The following TXNDC12 variants were observed in gnomAD, a reference collection of about 807,000 sequenced individuals.
TXNDC12 encodes the protein thioredoxin domain containing 12.
Under a neutral mutation model 24.2 loss-of-function variants are expected in TXNDC12, and 22 were observed. The ratio of observed to expected loss-of-function variants is 0.91; its 90% CI spans 0.65 to 1.30. The LOEUF (loss-of-function observed/expected upper bound fraction) is 1.30. Ranked by LOEUF, TXNDC12 falls within the 50% of genes most tolerant of loss-of-function variation. The pLI is 0.00. For synonymous variants in TXNDC12, 58 were observed against 73.4 expected (o/e 0.79, Z 1.07); for missense variants, 184 against 205.8 (o/e 0.89, Z 0.65).
rs79478658 is a variant in TXNDC12, at chr1:52,055,069, T to C, written c.28A>G (p.Thr10Ala). ...AGGAAACTGAAGCCCAGCAAACAGG[T>C]GGCCCCGAGACGAGGCCGCGTCTCC... is the stretch of plus-strand genomic sequence containing the variant. METRPRLGATCLLGFSFLLL... is the reference protein window; with the variant it reads METRPRLGAACLLGFSFLLL... The change falls in exon 1 of 7, where the codon ACC (threonine) becomes GCC (alanine). Residue 10 changes from threonine (T) to alanine (A), a missense_variant. Physicochemically the swap from Thr to Ala is moderately conservative, Grantham distance 58 (BLOSUM62 0). Transcript: ENST00000371626. 1.8e-4 allele frequency: 284 copies of C among 1,613,860 alleles called. No homozygotes were observed. Among genetic ancestry groups the C allele is most frequent in the Non-Finnish European group, 2.3e-4 (272 of 1,179,940 alleles).
intron 4 of TXNDC12, among the ~76,000 whole-genome samples, 200 bp downstream of exon 4, chr1:52,027,075 C>T (rs1226023110): frequency 6.6e-6 from 1 of 151,996 alleles, no homozygotes; most frequent in Non-Finnish European, 1.5e-5. Context: ...AATCTCTCCT[C>T]TCCTAGTTCC....
intron 2 of TXNDC12, among the ~76,000 whole-genome samples, chr1:52,036,767 C>T (rs1377261333): frequency 6.6e-6 from 1 of 152,194 alleles, no homozygotes; most frequent in African/African-American, 2.4e-5. Context: ...TTTTCCTCAT[C>T]ATCTGGCACT....
intron 1 of TXNDC12, among the ~76,000 whole-genome samples, chr1:52,042,646 G>C (rs1354303903): frequency 1.3e-5 from 2 of 151,506 alleles, no homozygotes. Flanking sequence ...TTTGGAGATG[G>C]AGTTTTGCTC....
At chr1:52,055,245 C>G, upstream of TXNDC12, 1 of 626,606 alleles carries the variant, frequency 1.6e-6, no homozygotes. Flanking sequence ...TGATGTTAGA[C>G]GGATGTGGGT....
At chr1:52,047,314 C>T (rs186260223) in intron 1 of TXNDC12, among the ~76,000 whole-genome samples, 2 of 152,194 alleles carry the variant, frequency 1.3e-5, no homozygotes, top group East Asian at 1.9e-4. Flanking sequence ...AGGCCTCTTC[C>T]GATTCCTTCT....
intron 2 of TXNDC12, among the ~76,000 whole-genome samples, chr1:52,041,150 G>A (rs1314014555): frequency 6.6e-6 from 1 of 152,024 alleles, no homozygotes; most frequent in African/African-American, 2.4e-5. Flanking sequence ...GGCTAACACG[G>A]TGAAACCCCG....
At position 52,021,002 on chromosome 1, in the gene TXNDC12, C is replaced by G; in HGVS notation, c.450G>C (p.Gly150=). The G allele has an allele frequency of 6.2e-7, 1 of 1,613,314 alleles. No individual in the cohort carries two copies. ...TCAGCCTTTCCTGAGCTTCCTTCAT[C>G]CCCTGAACAACTGTGAAATAAAGAT... ...FYVSAEQVVQ[G]MKEAQERLTG... The change falls in exon 7 of 7, where the codon GGG becomes GGC. Residue 150 remains glycine, a synonymous_variant. Transcript: ENST00000371626.
At chr1:52,029,858 T>C (rs1390875257) in intron 2 of TXNDC12, among the ~76,000 whole-genome samples, 1 of 152,220 alleles carries the variant, frequency 6.6e-6, no homozygotes, top group African/African-American at 2.4e-5. Context: ...TTGTAAAAGC[T>C]TGTAAACCAA....
At chr1:52,054,705 C>T (rs1686293821) in intron 1 of TXNDC12, among the ~76,000 whole-genome samples, 1 of 152,182 alleles carries the variant, frequency 6.6e-6, no homozygotes, top group African/African-American at 2.4e-5. Context: ...TCAGGACCTC[C>T]CAAGTGCTAG....
At chr1:52,031,131 C>T (rs1685746244) in intron 2 of TXNDC12, among the ~76,000 whole-genome samples, 2 of 151,858 alleles carry the variant, frequency 1.3e-5, no homozygotes, top group South Asian at 4.2e-4. Flanking sequence ...TTGTCATCAT[C>T]CTCTGACCAC....
intron 4 of TXNDC12, among the ~76,000 whole-genome samples, chr1:52,025,734 C>T (rs1452546065): frequency 6.6e-6 from 1 of 152,136 alleles, no homozygotes; most frequent in African/African-American, 2.4e-5. Context: ...AGGCTATCCC[C>T]TAGCTATATA....
At chr1:52,028,553 A>G (rs745676408) in intron 3 of TXNDC12, 25 bp downstream of exon 3, 1 of 1,598,920 alleles carries the variant, frequency 6.3e-7, no homozygotes, top group Non-Finnish European at 8.5e-7. Flanking sequence ...TGAGTTTTGA[A>G]TTTAGATTGA....
intron 2 of TXNDC12, chr1:52,032,678 T>TC (rs1354903612): frequency 1.9e-6 from 3 of 1,562,934 alleles, no homozygotes; most frequent in African/African-American, 1.4e-5. Context: ...AGCCATGGCT[T>TC]CCCCCCTACC....
intron 1 of TXNDC12, among the ~76,000 whole-genome samples, chr1:52,046,281 A>G (rs2124388731): frequency 6.6e-6 from 1 of 152,040 alleles, no homozygotes. Context: ...AAAAGCAAGG[A>G]GACTAATAAA....
chr1:52,038,616 C>T (rs1323685270), intron 2 of TXNDC12, among the ~76,000 whole-genome samples: 1 of 152,132 alleles, frequency 6.6e-6, no homozygotes, highest in East Asian at 1.9e-4. Context: ...CCTGTCTTGA[C>T]ATTTTTTAAG....
chr1:52,025,031 C>G, intron 4 of TXNDC12, among the ~76,000 whole-genome samples: 1 of 152,182 alleles, frequency 6.6e-6, no homozygotes, highest in South Asian at 2.1e-4. Flanking sequence ...TATTTTCTGT[C>G]TTCCCACACT....
chr1:52,028,756 CAAT>C lies in TXNDC12; in HGVS notation c.159-129_159-127del, dbSNP rs1373916309. 10 of 745,958 alleles carry C rather than the reference CAAT, an allele frequency of 1.3e-5. No individual in the cohort carries two copies. In the South Asian group the frequency reaches 1.3e-4, roughly 10 times the overall value. The allele number at this position is 745,958 out of a possible 1,614,324, so 46.2% of individuals were successfully genotyped here. On this transcript the variant is annotated intron_variant, in intron 2 of 6. Transcript: ENST00000371626. The stretch of plus-strand genomic sequence containing the variant: ...TTGGGAAAATCTTTAGACAAATGTT[CAAT>C]AATAATAGATAATTGCTGTAACAAA...
intron 1 of TXNDC12, among the ~76,000 whole-genome samples, chr1:52,050,672 G>A (rs1362498864): frequency 6.6e-6 from 1 of 152,194 alleles, no homozygotes; most frequent in African/African-American, 2.4e-5. Flanking sequence ...AATACTGATT[G>A]TCTCAGTCAA....
intron 2 of TXNDC12, chr1:52,032,742 T>G: frequency 1.2e-6 from 2 of 1,613,790 alleles, no homozygotes; most frequent in South Asian, 2.2e-5. Context: ...TGTTGGCCAG[T>G]TGCGGCAAGT....
Sources: gnomAD v4.1 joint callset for allele counts (sites outside exome capture counted in the v4.1 genomes callset) on GRCh38, gnomAD v4.1.1 for gene constraint, MANE v1.5 for transcripts, NCBI Gene and HGNC (gene_info 2026-07-23, HGNC 2026-07-21) for gene names.